VNN2: variants seen among roughly 807,000 people sequenced by gnomAD.
VNN2 encodes pantetheine hydrolase VNN2.
Under a neutral mutation model 43.0 loss-of-function variants are expected in VNN2, and 43 were observed. The ratio of observed to expected loss-of-function variants is 1.00; its 90% CI spans 0.78 to 1.29. The LOEUF (loss-of-function observed/expected upper bound fraction) is 1.29. VNN2 is among the 50% of genes most tolerant of loss of function. The pLI is 0.00. For missense variants in VNN2, 652 were observed against 619.7 expected (o/e 1.05, Z -0.55); for synonymous variants, 230 against 224.3 (o/e 1.03, Z -0.23).
chr6:132,761,355 T>TA (rs61548790), upstream of VNN2, among the ~76,000 whole-genome samples: 1,227 of 137,032 alleles, frequency 9.0e-3, 5 homozygotes, highest in African/African-American at 0.017. Flanking sequence ...AGAGTCACCA[T>TA]AAAAAAAAAA....
In VNN2 at chr6:132,757,799, C is replaced by T; in HGVS notation, c.85G>A (p.Ala29Thr). The change falls in exon 1 of 7, where the codon GCA (alanine) becomes ACA (threonine). Residue 29 changes from alanine (A) to threonine (T), a missense_variant. Physicochemically the swap from Ala to Thr is moderately conservative, Grantham distance 58. Coordinates refer to ENST00000326499, the MANE Select transcript of VNN2 (RefSeq NM_004665.6). The stretch of plus-strand genomic sequence containing the variant: ...AAAATGACAGCATGTTCATACACTG[C>T]AGCTATAAAACTGTCCTGAGTACCA... ...QVGTQDSFIAAVYEHAVILPN... is the reference protein window; with the variant it reads ...QVGTQDSFIATVYEHAVILPN... The T allele has an allele frequency of 1.2e-6, 2 of 1,614,126 alleles. No homozygotes were observed. Among genetic ancestry groups the T allele is most frequent in the Non-Finnish European group, 1.7e-6 (2 of 1,180,024 alleles).
chr6:132,754,636 A>T (rs1452517274), intron 3 of VNN2, among the ~76,000 whole-genome samples: 2 of 152,240 alleles, frequency 1.3e-5, no homozygotes, highest in Non-Finnish European at 2.9e-5. Context: ...ATATCCATTT[A>T]AAAGGCCAGG....
chr6:132,749,654 G>A (rs1392870524), intron 6 of VNN2, 41 bp downstream of exon 6: 2 of 1,558,840 alleles, frequency 1.3e-6, no homozygotes, highest in East Asian at 4.6e-5. Flanking sequence ...TGACTTCAGA[G>A]AACATATAAA....
At chr6:132,745,369 C>T (rs975270145) in intron 6 of VNN2, among the ~76,000 whole-genome samples, 2 of 152,156 alleles carry the variant, frequency 1.3e-5, no homozygotes, top group African/African-American at 4.8e-5. Context: ...GGGCGTGCCA[C>T]CAAGCCCAGC....
At chr6:132,760,496 C>T (rs1256863293), upstream of VNN2, 2 of 151,934 alleles carry the variant, frequency 1.3e-5, no homozygotes, top group African/African-American at 4.8e-5. Flanking sequence ...TTTAAAGAAC[C>T]CAATTCAAAA....
chr6:132,758,043 T>TCTTCTTCTTCTTC (rs374005582), upstream of VNN2: 12 of 358,622 alleles, frequency 3.3e-5, no homozygotes, highest in African/African-American at 3.1e-4. Flanking sequence ...CTTCTTCTTT[T>TCTTCTTCTTCTTC]TTTTTTTTTT....
intron 5 of VNN2, 63 bp from the exon 6 acceptor site, chr6:132,749,928 G>A: frequency 6.9e-7 from 1 of 1,449,080 alleles, no homozygotes; most frequent in Non-Finnish European, 9.3e-7. Context: ...TACCAGAAAT[G>A]TTGCCTTAGT....
At chr6:132,751,931 G>A (rs1780132709) in intron 4 of VNN2, among the ~76,000 whole-genome samples, 1 of 152,166 alleles carries the variant, frequency 6.6e-6, no homozygotes, top group African/African-American at 2.4e-5. Flanking sequence ...CTTTCCCCTT[G>A]AAGAGGGGCT....
rs1451955676 is a variant in VNN2 at position 132,749,871 on chromosome 6, T to C, written c.1201-6A>G. On this transcript the variant is annotated splice_polypyrimidine_tract_variant and splice_region_variant and intron_variant, in intron 5 of 6. Coordinates refer to ENST00000326499, the MANE Select transcript of VNN2 (RefSeq NM_004665.6). ...CACTTCAGCAGTGTGCAGACCTATG[T>C]GGAACAAACGCAGATAAAACGCAAT... The C allele has an allele frequency of 1.2e-6, 2 of 1,609,992 alleles. No individual in the cohort carries two copies. Among genetic ancestry groups the C allele is most frequent in the East Asian group, 2.2e-5 (1 of 44,776 alleles).
chr6:132,759,438 C>CAAAAAAAAAAAAAAAAAAAAAA (rs58195059), upstream of VNN2, among the ~76,000 whole-genome samples: 1 of 69,174 alleles, frequency 1.4e-5, no homozygotes, highest in Non-Finnish European at 2.9e-5. Flanking sequence ...AACTCCGTCT[C>CAAAAAAAAAAAAAAAAAAAAAA]AAAAAAAAAA....
At chr6:132,753,926 C>A (rs550247189) in intron 3 of VNN2, 2 of 133,402 alleles carry the variant, frequency 1.5e-5, no homozygotes, top group East Asian at 2.2e-4. Context: ...GCACTCCAGC[C>A]GGGATGACAG....
intron 4 of VNN2, 33 bp from the exon 5 acceptor site, chr6:132,751,551 C>G (rs1226593293): frequency 1.3e-6 from 2 of 1,563,974 alleles, no homozygotes; most frequent in South Asian, 2.4e-5. Flanking sequence ...CTAAAAACAA[C>G]ACCACACACA....
rs375725220 is a variant in VNN2 at position 132,757,719 on chromosome 6, G to A, written c.165C>T (p.Asn55=). ...CTGTCTCCAGAATGTCTATATTCTCGTTCATGAGATTCAAGGCATCCTCCT... is the reference window on the plus strand; with the variant it reads ...CTGTCTCCAGAATGTCTATATTCTCATTCATGAGATTCAAGGCATCCTCCT... ...VSQEDALNLM[N]ENIDILETAI... The change falls in exon 1 of 7, where the codon AAC becomes AAT. Residue 55 remains asparagine, a synonymous_variant. Transcript: ENST00000326499. The A allele has an allele frequency of 2.5e-5, 41 of 1,613,960 alleles. No homozygotes were observed. The highest frequency in any genetic ancestry group is 2.7e-5 in the Non-Finnish European group (32 of 1,180,028).
rs116079419 is a variant in VNN2, at chr6:132,763,144, G to A, written c.-20+239C>T. Among the ~76,000 whole-genome samples, 838 of 151,912 alleles carry A rather than the reference G, an allele frequency of 5.5e-3. 10 individuals are homozygous for A. The highest frequency in any genetic ancestry group is 0.019 in the African/African-American group (786 of 41,414). ...ATAAATCCACAGGAACTGGATCCAA[G>A]TCACTCGTTGATTTATGTAGGCAGT... On this transcript the variant is annotated intron_variant, in intron 1 of 3. Transcript: ENST00000524919.
Position 132,752,643 on chromosome 6 carries a change from A to G in VNN2, c.644T>C (p.Phe215Ser), listed in dbSNP as rs760032761. The change falls in exon 4 of 7, where the codon TTC becomes TCC. Residue 215 changes from phenylalanine (F) to serine (S), a missense_variant. Phe to Ser is a radical substitution (Grantham distance 155). Coordinates refer to ENST00000326499, the MANE Select transcript of VNN2 (RefSeq NM_004665.6). ...RFGIFTCFDI[F>S]FYDPGVTLVK... ...CAGGGTAACACCAGGATCATAGAAG[A>G]ATATATCAAAGCACGTGAAAATGCC... The G allele has an allele frequency of 1.7e-5, 27 of 1,614,188 alleles. No individual in the cohort carries two copies. Among genetic ancestry groups the G allele is most frequent in the Non-Finnish European group, 2.3e-5 (27 of 1,180,018 alleles).
At chr6:132,762,910 T>A (rs1463956013) in intron 1 of VNN2, among the ~76,000 whole-genome samples, 1 of 152,182 alleles carries the variant, frequency 6.6e-6, no homozygotes, top group Non-Finnish European at 1.5e-5. Context: ...CCCTTTGAGT[T>A]AGTAGCATCC....
intron 4 of VNN2, 92 bp from the exon 5 acceptor site, chr6:132,751,610 C>T (rs36100139): frequency 0.05 from 73,285 of 1,461,034 alleles, 2,218 homozygotes; most frequent in East Asian, 0.13. Context: ...CATGTGATCA[C>T]GCCACCATAT....
In VNN2 at chr6:132,751,180, C is replaced by T. The variant is rs141464795; in HGVS notation, c.1165G>A (p.Gly389Arg). The part of the protein sequence containing the change: ...NEVYVLGAFT[G>R]LHGRRRREYW... ...TCTCTTCTCCTTCGGCCATGTAATC[C>T]TGTAAAAGCTCCTAGAACGTATACT... The change falls in exon 5 of 7, where the codon GGA becomes AGA. Residue 389 changes from glycine to arginine, a missense_variant. Gly to Arg is a moderately radical substitution (Grantham distance 125, BLOSUM62 -2). Coordinates refer to ENST00000326499, the MANE Select transcript of VNN2 (RefSeq NM_004665.6). 2.0e-4 allele frequency: 322 copies of T among 1,611,226 alleles called. No homozygotes were observed. Among genetic ancestry groups the T allele is most frequent in the Non-Finnish European group, 2.6e-4 (306 of 1,179,016 alleles).
chr6:132,749,825 G>A lies in VNN2; in HGVS notation c.1241C>T (p.Thr414Ile). 6.2e-7 allele frequency: 1 copy of A among 1,614,090 alleles called. No homozygotes were observed. The highest frequency in any genetic ancestry group is 8.5e-7 in the Non-Finnish European group (1 of 1,179,962). The part of the protein sequence containing the change: ...LLKCKTTNLT[T>I]CGRPVETAST... Reference sequence around the variant, plus strand: ...AGCAGTTTCTACTGGCCGTCCACAAGTTGTCAAATTAGTAGTTTTGCACTT... The same window carrying A: ...AGCAGTTTCTACTGGCCGTCCACAAATTGTCAAATTAGTAGTTTTGCACTT... Residue 414 changes from threonine (T) to isoleucine (I), a missense_variant, in exon 6 of 7, where the codon ACT (threonine) becomes ATT (isoleucine). Transcript: ENST00000326499.
Sources: allele counts gnomAD v4.1 joint callset (sites outside exome capture counted in the v4.1 genomes callset), GRCh38; gene constraint gnomAD v4.1.1; transcripts MANE v1.5; gene names NCBI Gene and HGNC (gene_info 2026-07-23, HGNC 2026-07-21).